Variants in CDH18 observed in about 807,000 individuals in gnomAD.
CDH18 encodes the protein cadherin 18.
Under a neutral mutation model 67.9 loss-of-function variants are expected in CDH18, and 31 were observed. That is an observed-to-expected ratio of 0.46 (90% confidence interval 0.34 to 0.62). The LOEUF (loss-of-function observed/expected upper bound fraction) is 0.62, where lower values mean the gene tolerates loss of function less well. Among genes scored for constraint, CDH18 ranks in the 20% least tolerant of loss-of-function variants. The probability of loss-of-function intolerance (pLI) is 0.01; values close to 1 mark genes in which losing one functional copy is unlikely to be tolerated. For synonymous variants in CDH18, 362 were observed against 347.2 expected (o/e 1.04, Z -0.48); for missense variants, 890 against 975.5 (o/e 0.91, Z 1.17).
At chr5:20,158,656 C>T (rs6867531) in intron 2 of CDH18, 3,566 of 167,282 alleles carry the variant, frequency 0.021, 127 homozygotes, top group African/African-American at 0.081. Context: ...AACAAAACTG[C>T]CTCACTCATG....
chr5:20,152,837 C>T (rs1199265284), intron 2 of CDH18, among the ~76,000 whole-genome samples: 24 of 151,704 alleles, frequency 1.6e-4, no homozygotes, highest in East Asian at 5.8e-4. Flanking sequence ...TTTTACTTAA[C>T]GAAAAGTTGT....
rs1753832694 is a variant in CDH18 at position 20,495,162 on chromosome 5, T to A, written c.-580+80300A>T. On this transcript the variant is annotated intron_variant, in intron 1 of 14. Coordinates refer to the CDH18 transcript ENST00000507958. ...TTTTTTTCTCTACCGTATGAATATT[T>A]GGCCATTCAAAACCTCTGACAGCTC... is the stretch of plus-strand genomic sequence containing the variant. 2.0e-5 allele frequency among the ~76,000 whole-genome samples: 3 copies of A among 152,142 alleles called. 1 individual carries two copies. The East Asian group carries it at 5.8e-4, about 29-fold the overall frequency.
chr5:20,063,523 G>T (rs1339000255), intron 2 of CDH18, among the ~76,000 whole-genome samples: 3 of 152,024 alleles, frequency 2.0e-5, no homozygotes, highest in African/African-American at 7.2e-5. Flanking sequence ...AAAAAAATTT[G>T]CTTGAGTCAC....
At position 19,591,251 on chromosome 5, in the gene CDH18, G is replaced by A; in HGVS notation, c.812-7C>T. ...ACATATAGCTGATAGTGTTCTGGAA[G>A]ACATTTCATATTAAACATATTTAAA... On this transcript the variant is annotated splice_region_variant and splice_polypyrimidine_tract_variant and intron_variant, in intron 6 of 12. Transcript: ENST00000382275. 1 of 1,556,200 alleles carries A rather than the reference G, an allele frequency of 6.4e-7. No homozygotes were observed. Among genetic ancestry groups the A allele is most frequent in the Admixed American group, 2.0e-5 (1 of 50,126 alleles).
chr5:20,524,953 C>G (rs1235808089), intron 1 of CDH18, among the ~76,000 whole-genome samples: 1 of 152,104 alleles, frequency 6.6e-6, no homozygotes, highest in Non-Finnish European at 1.5e-5. Flanking sequence ...CAGAGTATGT[C>G]CCTTCTGTAG....
chr5:20,082,124 C>T (rs1424175587), intron 2 of CDH18, among the ~76,000 whole-genome samples: 3 of 151,962 alleles, frequency 2.0e-5, no homozygotes, highest in Middle Eastern at 3.4e-3. Context: ...TTTTCTCCAA[C>T]CGATGCATTC....
rs548872265 is a variant in CDH18, at chr5:20,084,675, AG to A, written c.-517-92662del. Among the ~76,000 whole-genome samples, 295 of 152,286 alleles carry A rather than the reference AG, an allele frequency of 1.9e-3. 4 individuals carry two copies. The highest frequency in any genetic ancestry group is 6.4e-3 in the African/African-American group (268 of 41,568). On this transcript the variant is annotated intron_variant, in intron 2 of 14. Coordinates refer to the CDH18 transcript ENST00000507958. ...TTCATACATCTTCTGAAATCTAGGC[AG>A]AGGTTCCCAAACCTCAATTCTTGAC...
At chr5:20,018,961 ATTTT>A (rs1038180414) in intron 2 of CDH18, among the ~76,000 whole-genome samples, 1 of 148,990 alleles carries the variant, frequency 6.7e-6, no homozygotes, top group Non-Finnish European at 1.5e-5. Context: ...TGCCCGGCTA[ATTTT>A]TTTTTGTATT....
At chr5:20,156,413 A>G (rs1341852193) in intron 2 of CDH18, among the ~76,000 whole-genome samples, 1 of 152,178 alleles carries the variant, frequency 6.6e-6, no homozygotes, top group African/African-American at 2.4e-5. Context: ...AAAGAATGAA[A>G]TAATGTTCTT....
intron 5 of CDH18, among the ~76,000 whole-genome samples, chr5:19,719,642 C>T (rs1765754104): frequency 6.6e-6 from 1 of 151,654 alleles, no homozygotes; most frequent in South Asian, 2.1e-4. Context: ...ACCTTGGAAC[C>T]AACAGAACCT....
intron 2 of CDH18, among the ~76,000 whole-genome samples, chr5:20,172,224 G>GTATATATATGTA (rs1561848682): frequency 1.5e-3 from 29 of 19,480 alleles, no homozygotes; most frequent in South Asian, 1.9e-3. Context: ...ATATATATAT[G>GTATATATATGTA]TATATATATA....
At chr5:19,781,244 A>G (rs1465766950) in intron 3 of CDH18, among the ~76,000 whole-genome samples, 1 of 152,164 alleles carries the variant, frequency 6.6e-6, no homozygotes, top group Admixed American at 6.6e-5. Context: ...ATTATTTGCA[A>G]TCATCAAAGA....
At chr5:19,813,921 A>G (rs1238551406) in intron 3 of CDH18, among the ~76,000 whole-genome samples, 1 of 152,018 alleles carries the variant, frequency 6.6e-6, no homozygotes, top group African/African-American at 2.4e-5. Context: ...CATGTGTGTT[A>G]AGTCTATTGA....
intron 2 of CDH18, among the ~76,000 whole-genome samples, chr5:20,242,596 GAAAAAAA>G (rs376279568): frequency 7.7e-5 from 6 of 77,756 alleles, no homozygotes; most frequent in African/African-American, 1.8e-4. Context: ...TTCATTGAGG[GAAAAAAA>G]AAAAAAAAAT....
At chr5:19,696,701 T>C (rs1333016758) in intron 5 of CDH18, among the ~76,000 whole-genome samples, 3 of 152,064 alleles carry the variant, frequency 2.0e-5, no homozygotes, top group African/African-American at 7.2e-5. Context: ...GCCAAAAATA[T>C]TTTTCAGTTG....
intron 3 of CDH18, among the ~76,000 whole-genome samples, chr5:19,815,178 G>GT (rs1273028713): frequency 6.6e-6 from 1 of 151,970 alleles, no homozygotes; most frequent in East Asian, 1.9e-4. Flanking sequence ...TTGGAGGACT[G>GT]TATCTAAATA....
chr5:19,743,030 C>T (rs1769438518), intron 4 of CDH18, among the ~76,000 whole-genome samples: 1 of 152,116 alleles, frequency 6.6e-6, no homozygotes, highest in Non-Finnish European at 1.5e-5. Context: ...TGTTTAGAAG[C>T]AAACCTTCAA....
At chr5:19,683,455 T>C (rs75998110) in intron 5 of CDH18, among the ~76,000 whole-genome samples, 3,229 of 152,158 alleles carry the variant, frequency 0.021, 90 homozygotes, top group African/African-American at 0.061. Flanking sequence ...GTGTTTGTGA[T>C]TGTGGTCTTG....
intron 1 of CDH18, among the ~76,000 whole-genome samples, chr5:20,322,916 A>C (rs1561970385): frequency 1.3e-5 from 2 of 152,168 alleles, no homozygotes; most frequent in African/African-American, 4.8e-5. Flanking sequence ...CTGAATGTCA[A>C]AACATGAAAA....
Sources: allele counts gnomAD v4.1 joint callset (sites outside exome capture counted in the v4.1 genomes callset), GRCh38; gene constraint gnomAD v4.1.1; transcripts MANE v1.5; gene names NCBI Gene and HGNC (gene_info 2026-07-23, HGNC 2026-07-21).